Variants in ZNF638 observed in about 807,000 individuals in gnomAD.
ZNF638 encodes the protein CTCL tumor antigen se33-1.
ZNF638 carries 46 observed loss-of-function variants against 195.6 expected under a neutral mutation model. The observed-to-expected ratio is 0.24, with a 90% CI of 0.19 to 0.30. ZNF638 has a LOEUF of 0.30. Among genes scored for constraint, ZNF638 ranks in the 10% least tolerant of loss-of-function variants. The pLI is 1.00. For missense variants in ZNF638, 2,440 were observed against 2,325.3 expected (o/e 1.05, Z -1.01); for synonymous variants, 845 against 772.0 (o/e 1.09, Z -1.57).
intron 1 of ZNF638, among the ~76,000 whole-genome samples, chr2:71,342,406 A>T (rs1352578706): frequency 1.3e-5 from 2 of 151,812 alleles, no homozygotes; most frequent in Non-Finnish European, 2.9e-5. Context: ...GCCCCACTAC[A>T]CATGTTCACT....
chr2:71,380,426 GT>G, intron 9 of ZNF638, 86 bp from the exon 10 acceptor site: 1 of 1,253,736 alleles, frequency 8.0e-7, no homozygotes, highest in Non-Finnish European at 1.1e-6. Flanking sequence ...TATTTTAAAC[GT>G]TTTTAGGTTT....
intron 10 of ZNF638, among the ~76,000 whole-genome samples, chr2:71,392,776 G>C (rs1453846455): frequency 6.6e-6 from 1 of 152,106 alleles, no homozygotes. Context: ...CAGATTGCCA[G>C]CTCACAGGCA....
At chr2:71,354,701 C>T (rs139841332) in intron 2 of ZNF638, among the ~76,000 whole-genome samples, 1,939 of 149,370 alleles carry the variant, frequency 0.013, 36 homozygotes, top group African/African-American at 0.042. Flanking sequence ...CGCCTCATTG[C>T]ACTCCAGCCT....
chr2:71,406,374 C>T, intron 19 of ZNF638, 112 bp downstream of exon 19: 4 of 916,340 alleles, frequency 4.4e-6, no homozygotes, highest in Non-Finnish European at 6.6e-6. Context: ...ATTACTCAAC[C>T]ACTTCGCAGA....
intron 10 of ZNF638, among the ~76,000 whole-genome samples, chr2:71,392,176 A>G (rs992398977): frequency 4.6e-5 from 7 of 152,206 alleles, no homozygotes; most frequent in African/African-American, 1.7e-4. Flanking sequence ...GCACTCTTTG[A>G]TTATGCAGGC....
intron 10 of ZNF638, chr2:71,395,516 G>T: frequency 1.6e-6 from 1 of 614,832 alleles, no homozygotes; most frequent in East Asian, 2.8e-5. Context: ...TAACAAAGGA[G>T]TGTAAAGGAA....
At position 71,423,706 on chromosome 2, in the gene ZNF638, A is replaced by T; in HGVS notation, c.4192A>T (p.Ile1398Leu). ...SSSKPSIKAVIVSSPKAKATV... is the reference protein window; with the variant it reads ...SSSKPSIKAVLVSSPKAKATV... ...CAGTAAACCAAGCATCAAGGCTGTT[A>T]TAGTCTCTTCTCCTAAGGCAAAAGC... The change falls in exon 22 of 28, where the codon ATA becomes TTA. Residue 1398 changes from isoleucine (I) to leucine (L), a missense_variant. Transcript: ENST00000264447. The T allele has an allele frequency of 6.2e-7, 1 of 1,613,908 alleles. No individual in the cohort carries two copies. The highest frequency in any genetic ancestry group is 8.5e-7 in the Non-Finnish European group (1 of 1,180,008).
intron 1 of ZNF638, among the ~76,000 whole-genome samples, chr2:71,343,288 C>T (rs1043750707): frequency 6.6e-6 from 1 of 152,156 alleles, no homozygotes; most frequent in Non-Finnish European, 1.5e-5. Flanking sequence ...TCATGTTAGG[C>T]TCTCAGAAGA....
chr2:71,388,101 T>C (rs2079681624), intron 10 of ZNF638, among the ~76,000 whole-genome samples: 1 of 152,154 alleles, frequency 6.6e-6, no homozygotes, highest in Non-Finnish European at 1.5e-5. Context: ...TAGGTTTTTG[T>C]AGGAGATTGG....
At chr2:71,393,388 C>A (rs750353513) in intron 10 of ZNF638, 11 of 718,308 alleles carry the variant, frequency 1.5e-5, no homozygotes, top group South Asian at 8.9e-5. Context: ...TTCACACCCC[C>A]CTCAGGCCCT....
At chr2:71,399,508 T>G in intron 12 of ZNF638, 51 bp from the exon 13 acceptor site, 1 of 1,331,816 alleles carries the variant, frequency 7.5e-7, no homozygotes, top group Non-Finnish European at 1.1e-6. Flanking sequence ...TGAAACATGC[T>G]AAATGATTTA....
intron 2 of ZNF638, among the ~76,000 whole-genome samples, chr2:71,352,163 C>T (rs930122035): frequency 6.6e-6 from 1 of 151,948 alleles, no homozygotes; most frequent in African/African-American, 2.4e-5. Flanking sequence ...TGAATTGAGG[C>T]TTTAGATATG....
At chr2:71,418,498 G>GTT (rs72207075) in intron 20 of ZNF638, 104 bp from the exon 21 acceptor site, 96,815 of 636,592 alleles carry the variant, frequency 0.15, 5,814 homozygotes, top group African/African-American at 0.36. Flanking sequence ...CATTTTTAAG[G>GTT]TTTTTTTTTT....
At chr2:71,379,443 C>T (rs1438765913) in intron 8 of ZNF638, 1 of 152,186 alleles carries the variant, frequency 6.6e-6, no homozygotes, top group Admixed American at 6.5e-5. Flanking sequence ...ATGCTACCTG[C>T]CCACTAGTCA....
chr2:71,400,963 T>C (rs1029125246), intron 15 of ZNF638, among the ~76,000 whole-genome samples: 2 of 152,176 alleles, frequency 1.3e-5, no homozygotes, highest in Non-Finnish European at 2.9e-5. Context: ...TCACTTAATA[T>C]ATTGTTTTCT....
chr2:71,342,542 C>CTGTAG (rs2078779650), intron 1 of ZNF638, among the ~76,000 whole-genome samples: 1 of 152,096 alleles, frequency 6.6e-6, no homozygotes, highest in African/African-American at 2.4e-5. Flanking sequence ...ACATAGGTAA[C>CTGTAG]TGTAGATTTA....
At chr2:71,427,706 A>C (rs1391257473) in intron 24 of ZNF638, among the ~76,000 whole-genome samples, 2 of 152,164 alleles carry the variant, frequency 1.3e-5, no homozygotes, top group Non-Finnish European at 2.9e-5. Context: ...ATATATTTGT[A>C]TTGTGGGAAA....
chr2:71,385,150 A>C (rs968529623), intron 10 of ZNF638, among the ~76,000 whole-genome samples: 2 of 152,250 alleles, frequency 1.3e-5, no homozygotes, highest in African/African-American at 4.8e-5. Context: ...AATGCTGATG[A>C]GTATGTAGAG....
At chr2:71,418,293 A>T (rs1371637292) in intron 20 of ZNF638, 1 of 214,218 alleles carries the variant, frequency 4.7e-6, no homozygotes, top group African/African-American at 2.3e-5. Context: ...GATATTTCAC[A>T]TTTATTGTTT....
Sources: gnomAD v4.1 joint callset for allele counts (sites outside exome capture counted in the v4.1 genomes callset) on GRCh38, gnomAD v4.1.1 for gene constraint, MANE v1.5 for transcripts, NCBI Gene and HGNC (gene_info 2026-07-23, HGNC 2026-07-21) for gene names.